Variants in TECRL observed in about 807,000 individuals in gnomAD.
TECRL encodes trans-2,3-enoyl-CoA reductase-like.
A neutral mutation model predicts 52.8 loss-of-function variants in TECRL; 63 were observed. The observed-to-expected ratio is 1.19, with a 90% CI of 0.97 to 1.47. The LOEUF is 1.47. TECRL is among the 40% of genes most tolerant of loss of function. The probability of loss-of-function intolerance (pLI) is 0.00; values close to 1 mark genes in which losing one functional copy is unlikely to be tolerated. For missense variants in TECRL, 482 were observed against 429.6 expected (o/e 1.12, Z -1.08); for synonymous variants, 164 against 141.9 (o/e 1.16, Z -1.10).
chr4:64,404,370 T>C (rs1039179408), intron 1 of TECRL, among the ~76,000 whole-genome samples: 2 of 152,050 alleles, frequency 1.3e-5, no homozygotes, highest in African/African-American at 4.8e-5. Flanking sequence ...CTTCAATCAT[T>C]GACTTATCAG....
At chr4:64,401,266 T>C (rs1724341982) in intron 1 of TECRL, among the ~76,000 whole-genome samples, 1 of 152,206 alleles carries the variant, frequency 6.6e-6, no homozygotes, top group Non-Finnish European at 1.5e-5. Context: ...AGCTATACCA[T>C]TTTAATCTCA....
At chr4:64,339,057 G>A (rs1417793507) in intron 2 of TECRL, among the ~76,000 whole-genome samples, 1 of 151,898 alleles carries the variant, frequency 6.6e-6, no homozygotes, top group Admixed American at 6.6e-5. Flanking sequence ...TGATAGACTG[G>A]ATTAAGAAAA....
intron 2 of TECRL, among the ~76,000 whole-genome samples, chr4:64,342,871 A>G (rs963762157): frequency 2.6e-5 from 4 of 152,176 alleles, no homozygotes; most frequent in Non-Finnish European, 5.9e-5. Flanking sequence ...CTAAAACATG[A>G]TATATGCATT....
intron 1 of TECRL, among the ~76,000 whole-genome samples, chr4:64,390,048 C>T (rs867979837): frequency 6.6e-6 from 1 of 151,822 alleles, no homozygotes; most frequent in Non-Finnish European, 1.5e-5. Context: ...AGTGTATGTT[C>T]TCAAAGCTGC....
chr4:64,292,832 A>C (rs1410850755), intron 8 of TECRL, among the ~76,000 whole-genome samples: 1 of 152,004 alleles, frequency 6.6e-6, no homozygotes, highest in Non-Finnish European at 1.5e-5. Flanking sequence ...AAAATAGTTA[A>C]GATGGTAAAT....
At chr4:64,314,914 T>C in intron 4 of TECRL, 151 bp from the exon 5 acceptor site, 1 of 643,252 alleles carries the variant, frequency 1.6e-6, no homozygotes, top group East Asian at 2.8e-5. Context: ...ACGACTTCCT[T>C]GGAAGAACCA....
intron 1 of TECRL, among the ~76,000 whole-genome samples, chr4:64,397,982 T>G (rs1417945865): frequency 6.6e-6 from 1 of 152,084 alleles, no homozygotes; most frequent in African/African-American, 2.4e-5. Context: ...TAATTTGAAC[T>G]GTTTTATGCT....
intron 4 of TECRL, among the ~76,000 whole-genome samples, chr4:64,320,498 A>G (rs1717827960): frequency 6.6e-6 from 1 of 152,018 alleles, no homozygotes; most frequent in African/African-American, 2.4e-5. Context: ...GGGTTGATGT[A>G]GAAATATCCA....
At position 64,351,074 on chromosome 4, in the gene TECRL, T is replaced by A. The variant is rs186398927; in HGVS notation, c.287-22518A>T. On this transcript the variant is annotated intron_variant, in intron 2 of 11. Transcript: ENST00000381210. ...ATGACTTTCACAGTTCTCACTCATA[T>A]TTAGAAACTAAATAAGTTGATCTCA... 3.1e-3 allele frequency among the ~76,000 whole-genome samples: 204 copies of A among 64,806 alleles called. 3 individuals carry two copies. Among genetic ancestry groups the A allele is most frequent in the East Asian group, 2.3e-3 (5 of 2,138 alleles). 42.5% of individuals were successfully genotyped at this position (64,806 alleles called of 152,430 possible). A position where few individuals can be genotyped will look rare whatever the true frequency, so the allele number is the denominator to read the frequency against.
chr4:64,286,230 A>G (rs1422580776), intron 9 of TECRL, among the ~76,000 whole-genome samples: 1 of 152,080 alleles, frequency 6.6e-6, no homozygotes, highest in East Asian at 1.9e-4. Context: ...TAGATATGGA[A>G]AAAAAACAAG....
chr4:64,280,309 A>C (rs1343177729), intron 11 of TECRL, 110 bp from the exon 12 acceptor site: 15 of 894,734 alleles, frequency 1.7e-5, no homozygotes, highest in Non-Finnish European at 2.1e-5. Flanking sequence ...CAAATGTTGC[A>C]TAATTTCTTA....
chr4:64,284,103 G>C (rs2109931484), intron 9 of TECRL, among the ~76,000 whole-genome samples: 1 of 152,172 alleles, frequency 6.6e-6, no homozygotes, highest in South Asian at 2.1e-4. Flanking sequence ...TTTGAAAAGA[G>C]GGGTAAAGTA....
chr4:64,340,971 T>G (rs1201502332), intron 2 of TECRL, among the ~76,000 whole-genome samples: 1 of 152,062 alleles, frequency 6.6e-6, no homozygotes, highest in African/African-American at 2.4e-5. Flanking sequence ...TGCTGAGAGC[T>G]TGGAAGACAG....
chr4:64,360,419 C>A (rs1244325089), intron 2 of TECRL, among the ~76,000 whole-genome samples: 1 of 151,836 alleles, frequency 6.6e-6, no homozygotes, highest in East Asian at 1.9e-4. Flanking sequence ...TATGTTTCAG[C>A]AAAGGTAAAA....
chr4:64,298,190 CAG>C (rs1307804023), intron 8 of TECRL, among the ~76,000 whole-genome samples: 2 of 150,942 alleles, frequency 1.3e-5, no homozygotes, highest in African/African-American at 4.8e-5. Flanking sequence ...GTGATTGAAA[CAG>C]ACAATGCTTG....
intron 1 of TECRL, among the ~76,000 whole-genome samples, chr4:64,399,231 C>A (rs1724174279): frequency 1.3e-5 from 2 of 152,106 alleles, no homozygotes; most frequent in South Asian, 4.1e-4. Flanking sequence ...GAATAAATTT[C>A]TAAGCAGCAA....
chr4:64,398,408 A>G (rs1243781326), intron 1 of TECRL, among the ~76,000 whole-genome samples: 2 of 152,156 alleles, frequency 1.3e-5, no homozygotes, highest in South Asian at 4.1e-4. Context: ...TTCTCTTGGT[A>G]CTGTCCTCAA....
intron 2 of TECRL, among the ~76,000 whole-genome samples, chr4:64,337,698 T>G (rs1719213199): frequency 6.6e-6 from 1 of 151,960 alleles, no homozygotes; most frequent in Non-Finnish European, 1.5e-5. Flanking sequence ...GAGAATAAAA[T>G]ACCTAGGAAT....
At chr4:64,407,485 ATGTG>A (rs35563807) in intron 1 of TECRL, among the ~76,000 whole-genome samples, 62 of 148,740 alleles carry the variant, frequency 4.2e-4, no homozygotes, top group East Asian at 7.9e-4. Flanking sequence ...ACTAATTGGC[ATGTG>A]TGTGTGTGTG....
Sources: gnomAD v4.1 joint callset for allele counts (sites outside exome capture counted in the v4.1 genomes callset) on GRCh38, gnomAD v4.1.1 for gene constraint, MANE v1.5 for transcripts, NCBI Gene and HGNC (gene_info 2026-07-23, HGNC 2026-07-21) for gene names.